The following IMPA1 variants were observed in gnomAD, a reference collection of about 807,000 sequenced individuals.
The protein encoded by IMPA1 is inositol monophosphatase 1.
Under a neutral mutation model 34.9 loss-of-function variants are expected in IMPA1, and 21 were observed. The ratio of observed to expected loss-of-function variants is 0.60; its 90% CI spans 0.43 to 0.87. The LOEUF (loss-of-function observed/expected upper bound fraction) is 0.87. Ranked by LOEUF, IMPA1 falls within the 40% of genes least tolerant of loss-of-function variation. The probability of loss-of-function intolerance (pLI) is 0.00; values close to 1 mark genes in which losing one functional copy is unlikely to be tolerated. For synonymous variants in IMPA1, 95 were observed against 104.4 expected (o/e 0.91, Z 0.55); for missense variants, 299 against 336.4 (o/e 0.89, Z 0.87).
At chr8:81,671,439 T>A (rs1345419868) in intron 6 of IMPA1, among the ~76,000 whole-genome samples, 1 of 152,162 alleles carries the variant, frequency 6.6e-6, no homozygotes, top group Non-Finnish European at 1.5e-5. Context: ...AGTAAAATTC[T>A]CTGACATCCA....
At chr8:81,685,713 A>C (rs1807497552) in intron 1 of IMPA1, 1 of 1,037,014 alleles carries the variant, frequency 9.6e-7, no homozygotes, top group East Asian at 3.7e-5. Flanking sequence ...AGTTATATAT[A>C]TATAAATCAC....
intron 6 of IMPA1, among the ~76,000 whole-genome samples, chr8:81,673,362 A>T (rs1807043592): frequency 6.6e-6 from 1 of 152,128 alleles, no homozygotes; most frequent in Non-Finnish European, 1.5e-5. Flanking sequence ...TCTACCTATA[A>T]CCTGAACACC....
intron 5 of IMPA1, chr8:81,674,754 G>T (rs1422258889): frequency 2.2e-6 from 1 of 451,280 alleles, no homozygotes; most frequent in African/African-American, 2.0e-5. Flanking sequence ...ATTCACACAG[G>T]TTGGTTTTTT....
intron 4 of IMPA1, among the ~76,000 whole-genome samples, chr8:81,677,900 G>C (rs1012607116): frequency 2.2e-4 from 34 of 152,212 alleles, no homozygotes; most frequent in African/African-American, 7.9e-4. Flanking sequence ...CACCAGAAGC[G>C]GCTACTGATT....
chr8:81,659,355 T>TTTTA lies in IMPA1; in HGVS notation c.829_830insTAAA (p.Asp277ValfsTer9), dbSNP rs768524208. ...TTGACTATGAGGCTGCCTTAATTAA[T>TTTTA]CTTCGTCGTCTCGTTGCAAAGGTAT... On this transcript the variant is annotated frameshift_variant, in exon 9 of 9. Transcript: ENST00000256108. LOFTEE classifies it high-confidence loss of function. The TTTTA allele has an allele frequency of 1.1e-5, 17 of 1,576,940 alleles. No individual in the cohort carries two copies. Among genetic ancestry groups the TTTTA allele is most frequent in the Non-Finnish European group, 2.6e-6 (3 of 1,146,526 alleles).
intron 5 of IMPA1, chr8:81,674,559 A>C (rs901917958): frequency 4.6e-5 from 14 of 302,180 alleles, no homozygotes; most frequent in African/African-American, 3.1e-4. Flanking sequence ...CTGGCTCAAG[A>C]CTTATTCAAT....
At chr8:81,668,383 G>C (rs1235354908) in intron 7 of IMPA1, among the ~76,000 whole-genome samples, 3 of 152,130 alleles carry the variant, frequency 2.0e-5, no homozygotes, top group East Asian at 3.9e-4. Flanking sequence ...CCAGGAGTTG[G>C]AGATCAGCCT....
chr8:81,674,670 A>T, intron 5 of IMPA1: 1 of 366,802 alleles, frequency 2.7e-6, no homozygotes, highest in South Asian at 2.0e-5. Flanking sequence ...TTTCTGCCTC[A>T]CCCTGAAAAG....
chr8:81,660,317 A>C (rs988866440), intron 8 of IMPA1, among the ~76,000 whole-genome samples, 199 bp downstream of exon 8: 1 of 152,166 alleles, frequency 6.6e-6, no homozygotes, highest in Non-Finnish European at 1.5e-5. Context: ...GCCATTTATC[A>C]TTGTAAGTCT....
chr8:81,669,528 G>A (rs1410078067), intron 7 of IMPA1, among the ~76,000 whole-genome samples: 1 of 152,152 alleles, frequency 6.6e-6, no homozygotes. Flanking sequence ...CCTAGCGCCT[G>A]TTCTTTCTTT....
chr8:81,660,834 A>T (rs1252356808), intron 7 of IMPA1, among the ~76,000 whole-genome samples, 167 bp from the exon 8 acceptor site: 1 of 152,220 alleles, frequency 6.6e-6, no homozygotes, highest in Admixed American at 6.5e-5. Context: ...GTATAAATCT[A>T]ATTATCATCG....
chr8:81,664,166 C>A (rs7013201), intron 7 of IMPA1, among the ~76,000 whole-genome samples: 5,955 of 152,142 alleles, frequency 0.039, 387 homozygotes, highest in African/African-American at 0.14. Flanking sequence ...CTTTTAATTT[C>A]TTCATTTATT....
intron 7 of IMPA1, among the ~76,000 whole-genome samples, chr8:81,662,617 A>G (rs1011470503): frequency 2.0e-5 from 3 of 152,228 alleles, no homozygotes; most frequent in Non-Finnish European, 4.4e-5. Flanking sequence ...CATTGTAAAA[A>G]GGATTATGTT....
intron 1 of IMPA1, chr8:81,686,038 G>C: frequency 8.1e-7 from 1 of 1,236,530 alleles, no homozygotes; most frequent in South Asian, 1.7e-5. Flanking sequence ...GAGGTCGCGT[G>C]AGCGAACCGC....
In IMPA1 at chr8:81,657,180, T is replaced by C. The variant is rs949579332; in HGVS notation, c.*2171A>G. 6.6e-6 allele frequency among the ~76,000 whole-genome samples: 1 copy of C among 152,138 alleles called. No individual in the cohort carries two copies. Among genetic ancestry groups the C allele is most frequent in the African/African-American group, 2.4e-5 (1 of 41,434 alleles). ...TTAGAATAAACAGATGGAAAAGCTA[T>C]TGTAGAAAAAAATATAGGTTTTTAG... On this transcript the variant is annotated 3_prime_UTR_variant, in exon 9 of 9. Coordinates refer to ENST00000256108, the MANE Select transcript of IMPA1 (RefSeq NM_005536.4).
At chr8:81,669,258 G>GC (rs1236554026) in intron 7 of IMPA1, among the ~76,000 whole-genome samples, 1 of 152,084 alleles carries the variant, frequency 6.6e-6, no homozygotes. Context: ...AGCCATGAAA[G>GC]CAGGACCACT....
At chr8:81,660,894 A>G (rs1171739783) in intron 7 of IMPA1, among the ~76,000 whole-genome samples, 1 of 152,236 alleles carries the variant, frequency 6.6e-6, no homozygotes, top group African/African-American at 2.4e-5. Flanking sequence ...TTAATAAGAT[A>G]AACATTAAAA....
chr8:81,666,451 G>C (rs571376848), intron 7 of IMPA1, among the ~76,000 whole-genome samples: 3 of 152,144 alleles, frequency 2.0e-5, no homozygotes, highest in African/African-American at 7.2e-5. Context: ...AAAAGAAAAA[G>C]ATTTTCAAAT....
intron 1 of IMPA1, among the ~76,000 whole-genome samples, chr8:81,683,332 G>A (rs527923411): frequency 6.6e-6 from 1 of 152,172 alleles, no homozygotes; most frequent in Non-Finnish European, 1.5e-5. Flanking sequence ...TGTTGGTAGA[G>A]GGTCAGCAGA....
Sources: allele counts gnomAD v4.1 joint callset (sites outside exome capture counted in the v4.1 genomes callset), GRCh38; gene constraint gnomAD v4.1.1; transcripts MANE v1.5; gene names NCBI Gene and HGNC (gene_info 2026-07-23, HGNC 2026-07-21).